The following CATSPERE variants were observed in gnomAD, a reference collection of about 807,000 sequenced individuals.
CATSPERE encodes the protein catsper channel auxiliary subunit epsilon, also known as cation channel sperm-associated auxiliary subunit epsilon.
Under a neutral mutation model 114.1 loss-of-function variants are expected in CATSPERE, and 93 were observed. The observed-to-expected ratio is 0.81, with a 90% CI of 0.69 to 0.97. CATSPERE has a LOEUF of 0.97. Ranked by LOEUF, CATSPERE falls within the 50% of genes least tolerant of loss-of-function variation. The pLI is 0.00. For missense variants in CATSPERE, 1,058 were observed against 1,131.6 expected (o/e 0.93, Z 0.93); for synonymous variants, 341 against 384.1 (o/e 0.89, Z 1.31).
chr1:244,525,670 G>T (rs566091467), intron 8 of CATSPERE, among the ~76,000 whole-genome samples: 1 of 152,184 alleles, frequency 6.6e-6, no homozygotes, highest in South Asian at 2.1e-4. Context: ...CAATACCACT[G>T]TATACCCTAG....
chr1:244,456,095 CAGAG>C (rs1000483568), intron 1 of CATSPERE, among the ~76,000 whole-genome samples: 3 of 149,422 alleles, frequency 2.0e-5, no homozygotes, highest in African/African-American at 7.4e-5. Flanking sequence ...CGCCCCCCAA[CAGAG>C]AGATGAGAAT....
intron 14 of CATSPERE, among the ~76,000 whole-genome samples, chr1:244,590,380 GA>G (rs1451621142): frequency 6.6e-6 from 1 of 152,270 alleles, no homozygotes; most frequent in African/African-American, 2.4e-5. Context: ...GATTTTCTAT[GA>G]GTTTTTTTGT....
chr1:244,601,688 T>G (rs1669237817), intron 17 of CATSPERE, among the ~76,000 whole-genome samples: 1 of 152,056 alleles, frequency 6.6e-6, no homozygotes, highest in East Asian at 1.9e-4. Context: ...GCGCGGTGGC[T>G]CCACCTGTAA....
At chr1:244,467,706 A>G (rs1339268535) in intron 2 of CATSPERE, among the ~76,000 whole-genome samples, 1 of 152,234 alleles carries the variant, frequency 6.6e-6, no homozygotes, top group Non-Finnish European at 1.5e-5. Flanking sequence ...TAGCATGTCA[A>G]TCAGTAGTAT....
chr1:244,532,827 T>A (rs982794537), intron 8 of CATSPERE, among the ~76,000 whole-genome samples: 1 of 152,148 alleles, frequency 6.6e-6, no homozygotes, highest in Non-Finnish European at 1.5e-5. Flanking sequence ...GAATGTGCAC[T>A]CTATATCTAT....
chr1:244,485,023 A>G (rs1276769815), intron 5 of CATSPERE, among the ~76,000 whole-genome samples: 1 of 151,880 alleles, frequency 6.6e-6, no homozygotes, highest in Non-Finnish European at 1.5e-5. Context: ...TTTCCATTTT[A>G]GGTAATCTAT....
intron 2 of CATSPERE, among the ~76,000 whole-genome samples, chr1:244,472,669 TTG>T (rs1207772056): frequency 1.3e-5 from 2 of 152,170 alleles, no homozygotes; most frequent in Non-Finnish European, 2.9e-5. Context: ...TGTTCACTCT[TTG>T]TGTTGTACAT....
chr1:244,626,265 C>T (rs114496891), intron 20 of CATSPERE, among the ~76,000 whole-genome samples: 2,108 of 151,884 alleles, frequency 0.014, 55 homozygotes, highest in African/African-American at 0.047. Flanking sequence ...GGTGGGTGGT[C>T]GCCTGGGATC....
chr1:244,587,762 C>G (rs1217593504), intron 13 of CATSPERE, among the ~76,000 whole-genome samples: 1 of 152,148 alleles, frequency 6.6e-6, no homozygotes, highest in Non-Finnish European at 1.5e-5. Context: ...GCTCAGTACC[C>G]TGAGAAATTA....
At chr1:244,547,153 C>A (rs1038412355) in intron 8 of CATSPERE, among the ~76,000 whole-genome samples, 11 of 152,074 alleles carry the variant, frequency 7.2e-5, no homozygotes, top group Admixed American at 5.2e-4. Context: ...AGAAGTCTTA[C>A]AGGCAAGAAG....
In CATSPERE at chr1:244,572,605, G is replaced by A. The variant is rs1558519644; in HGVS notation, c.1783G>A (p.Val595Ile). The A allele has an allele frequency of 6.2e-7, 1 of 1,614,080 alleles. No homozygotes were observed. The highest frequency in any genetic ancestry group is 1.7e-5 in the Admixed American group (1 of 60,024). The change falls in exon 11 of 22, where the codon GTT (valine) becomes ATT (isoleucine). Residue 595 changes from valine (V) to isoleucine (I), a missense_variant. Around this residue, in one of 2 missense-constraint regions of CATSPERE, gnomAD observed 787 missense variants for 905.6 expected, o/e 0.87. Transcript: ENST00000366534. ...YMAFHNNVAH[V>I]FYFLDKGEAL... ...GGCATTTCATAACAATGTTGCTCAT[G>A]TTTTTTACTTTTTGGACAAGGGAGA...
chr1:244,543,974 C>T (rs1002950819), intron 8 of CATSPERE, among the ~76,000 whole-genome samples: 1 of 151,910 alleles, frequency 6.6e-6, no homozygotes, highest in African/African-American at 2.4e-5. Flanking sequence ...AGAAAGCCTA[C>T]AACATGAAAG....
chr1:244,502,797 T>C (rs1301117716), intron 7 of CATSPERE, among the ~76,000 whole-genome samples: 2 of 152,146 alleles, frequency 1.3e-5, no homozygotes, highest in African/African-American at 4.8e-5. Flanking sequence ...TAGAGCACAA[T>C]CTTGCTGAGC....
intron 8 of CATSPERE, among the ~76,000 whole-genome samples, chr1:244,539,357 C>CTG (rs1658209399): frequency 8.0e-6 from 1 of 125,064 alleles, no homozygotes; most frequent in Non-Finnish European, 1.7e-5. Flanking sequence ...TTTTGATGTG[C>CTG]TGCTGGAATC....
chr1:244,615,861 C>T (rs1671311417), intron 19 of CATSPERE, among the ~76,000 whole-genome samples: 1 of 151,296 alleles, frequency 6.6e-6, no homozygotes. Flanking sequence ...TACCTGTAAT[C>T]CCAGCACTTT....
intron 17 of CATSPERE, among the ~76,000 whole-genome samples, chr1:244,594,947 A>G (rs1333035402): frequency 3.9e-5 from 6 of 151,900 alleles, no homozygotes; most frequent in Non-Finnish European, 8.8e-5. Flanking sequence ...CTTAGTTTTG[A>G]TCTTCTTCTA....
chr1:244,502,836 T>TA (rs1674270508), intron 7 of CATSPERE, among the ~76,000 whole-genome samples: 1 of 152,172 alleles, frequency 6.6e-6, no homozygotes, highest in Non-Finnish European at 1.5e-5. Context: ...AGAATAGGTT[T>TA]GAAAATTGTC....
At chr1:244,487,798 C>A (rs1194350160) in intron 5 of CATSPERE, among the ~76,000 whole-genome samples, 1 of 152,124 alleles carries the variant, frequency 6.6e-6, no homozygotes, top group Non-Finnish European at 1.5e-5. Context: ...CAGCAGGAGG[C>A]GGGACTGTAC....
chr1:244,560,017 G>A (rs3003216), intron 9 of CATSPERE, among the ~76,000 whole-genome samples: 90,389 of 151,824 alleles, frequency 0.6, 29,023 homozygotes, highest in Middle Eastern at 0.8. Flanking sequence ...TTTAGAGACA[G>A]GGTCTTGCTC....
Sources: gnomAD v4.1 joint callset for allele counts (sites outside exome capture counted in the v4.1 genomes callset) on GRCh38, gnomAD v4.1.1 for gene constraint, gnomAD v4.1.1 regional missense constraint, MANE v1.5 for transcripts, NCBI Gene and HGNC (gene_info 2026-07-23, HGNC 2026-07-21) for gene names.